Variants in ABLIM3 observed in about 807,000 individuals in gnomAD.
The protein encoded by ABLIM3 is actin-binding LIM protein 3.
ABLIM3 carries 61 observed loss-of-function variants against 109.5 expected under a neutral mutation model. That is an observed-to-expected ratio of 0.56 (90% CI 0.45 to 0.69). The LOEUF (loss-of-function observed/expected upper bound fraction) is 0.69. Ranked by LOEUF, ABLIM3 falls within the 30% of genes least tolerant of loss-of-function variation. The probability of loss-of-function intolerance (pLI) is 0.00; values close to 1 mark genes in which losing one functional copy is unlikely to be tolerated. For missense variants in ABLIM3, 796 were observed against 889.5 expected (o/e 0.89, Z 1.34); for synonymous variants, 300 against 324.8 (o/e 0.92, Z 0.82).
intron 2 of ABLIM3, among the ~76,000 whole-genome samples, chr5:149,171,569 A>G (rs1051175211): frequency 2.6e-5 from 4 of 152,222 alleles, no homozygotes; most frequent in African/African-American, 9.7e-5. Context: ...TCTGCTCTCC[A>G]GGTGACATAA....
intron 4 of ABLIM3, among the ~76,000 whole-genome samples, chr5:149,199,763 C>A (rs1294087472): frequency 6.6e-6 from 1 of 152,182 alleles, no homozygotes; most frequent in African/African-American, 2.4e-5. Context: ...GCCAGGGATT[C>A]TGTGTATGGT....
At chr5:149,185,950 T>A (rs1323112519) in intron 3 of ABLIM3, among the ~76,000 whole-genome samples, 2 of 152,166 alleles carry the variant, frequency 1.3e-5, no homozygotes, top group Non-Finnish European at 2.9e-5. Flanking sequence ...TCTAAATGGA[T>A]CATGGAGAAC....
intron 2 of ABLIM3, among the ~76,000 whole-genome samples, chr5:149,170,704 C>T (rs1375619483): frequency 2.0e-5 from 3 of 152,150 alleles, no homozygotes; most frequent in African/African-American, 7.2e-5. Context: ...AAATATTTCC[C>T]CCAGACTACA....
intron 10 of ABLIM3, 24 bp from the exon 11 acceptor site, chr5:149,237,424 C>T (rs774376290): frequency 2.5e-6 from 4 of 1,611,464 alleles, no homozygotes; most frequent in Non-Finnish European, 3.4e-6. Flanking sequence ...CTATTCCTTT[C>T]CTGTCCATTT....
chr5:149,190,434 C>A (rs905402737), intron 3 of ABLIM3, among the ~76,000 whole-genome samples: 2 of 152,198 alleles, frequency 1.3e-5, no homozygotes, highest in Admixed American at 1.3e-4. Context: ...AATCCCAGCA[C>A]TTTGGGAGGC....
intron 2 of ABLIM3, among the ~76,000 whole-genome samples, chr5:149,166,589 G>T (rs1281993994): frequency 6.6e-6 from 1 of 152,210 alleles, no homozygotes; most frequent in African/African-American, 2.4e-5. Context: ...CCTGATGGAA[G>T]TATGTTCTTT....
intron 21 of ABLIM3, among the ~76,000 whole-genome samples, chr5:149,251,954 A>G (rs1344691206): frequency 2.0e-5 from 3 of 152,110 alleles, no homozygotes. Flanking sequence ...AAATATCTCT[A>G]AGGCCATTTT....
intron 23 of ABLIM3, 114 bp downstream of exon 23, chr5:149,252,951 C>A: frequency 3.9e-6 from 3 of 769,250 alleles, no homozygotes; most frequent in South Asian, 3.2e-5. Flanking sequence ...GATCACACAG[C>A]TTATTGAAAA....
chr5:149,146,118 G>A (rs1580973254), intron 2 of ABLIM3, among the ~76,000 whole-genome samples: 1 of 152,252 alleles, frequency 6.6e-6, no homozygotes, highest in Non-Finnish European at 1.5e-5. Context: ...GTCTGTTCAT[G>A]TCTTTTGCCC....
intron 8 of ABLIM3, chr5:149,217,290 G>A: frequency 1.8e-6 from 1 of 546,322 alleles, no homozygotes; most frequent in South Asian, 2.1e-5. Context: ...TGCCCAGCTG[G>A]ACTGCTTCCC....
At chr5:149,199,441 G>C (rs1299573972) in intron 4 of ABLIM3, among the ~76,000 whole-genome samples, 6 of 152,106 alleles carry the variant, frequency 3.9e-5, no homozygotes. Context: ...CTTAAAACCT[G>C]AGCCCTGAGC....
At position 149,198,581 on chromosome 5, in the gene ABLIM3, G is replaced by GA. The variant is rs978847437; in HGVS notation, c.335+181dup. 2.6e-5 allele frequency among the ~76,000 whole-genome samples: 4 copies of GA among 152,228 alleles called. No individual in the cohort carries two copies. Among genetic ancestry groups the GA allele is most frequent in the African/African-American group, 9.6e-5 (4 of 41,452 alleles). ...GTGGTTTTCAAACACTGTAGCATCT[G>GA]AATCTTTCTTATAAAATACAATCTG... On this transcript the variant is annotated intron_variant, in intron 4 of 23. Coordinates refer to ENST00000309868, the MANE Select transcript of ABLIM3 (RefSeq NM_014945.5). This position sits in a 1 kb window ranked among gnomAD's most constrained non-coding sequence, Gnocchi z 4.2.
intron 3 of ABLIM3, among the ~76,000 whole-genome samples, chr5:149,187,821 C>T (rs556313714): frequency 1.3e-5 from 2 of 152,244 alleles, no homozygotes; most frequent in East Asian, 1.9e-4. Context: ...GCACTCACCC[C>T]GTCATTCTCT....
chr5:149,220,243 G>A lies in ABLIM3; in HGVS notation c.757+3197G>A, dbSNP rs537826369. The stretch of plus-strand genomic sequence containing the variant: ...CCTCATGGAGCTCACAGCCTCACAG[G>A]TTAGTGCTTTCATTCTTCCAACTTC... On this transcript the variant is annotated intron_variant, in intron 8 of 23. Coordinates refer to ENST00000309868, the MANE Select transcript of ABLIM3 (RefSeq NM_014945.5). The A allele has an allele frequency of 7.7e-4, 118 of 152,332 alleles. 2 individuals carry two copies. The highest frequency in any genetic ancestry group is 2.5e-3 in the African/African-American group (105 of 41,582). The allele number at this position is 152,332 out of a possible 1,614,324, so 9.4% of individuals were successfully genotyped here.
At chr5:149,252,544 A>G in intron 22 of ABLIM3, 1 of 562,178 alleles carries the variant, frequency 1.8e-6, no homozygotes, top group Non-Finnish European at 3.2e-6. Flanking sequence ...GCTTATTCCT[A>G]GTAGTATTAG....
chr5:149,200,280 A>T, intron 4 of ABLIM3, 36 bp from the exon 5 acceptor site: 1 of 1,575,738 alleles, frequency 6.3e-7, no homozygotes, highest in Non-Finnish European at 8.7e-7. Context: ...CCCTCAGAAG[A>T]GGGTGTGTTG....
intron 10 of ABLIM3, 64 bp from the exon 11 acceptor site, chr5:149,237,384 T>C (rs1752310469): frequency 6.5e-7 from 1 of 1,541,082 alleles, no homozygotes; most frequent in African/African-American, 1.4e-5. Flanking sequence ...TTTTGTTTCC[T>C]CTCTCCATTC....
At chr5:149,146,630 T>C (rs750978079) in intron 2 of ABLIM3, among the ~76,000 whole-genome samples, 1 of 152,230 alleles carries the variant, frequency 6.6e-6, no homozygotes, top group Non-Finnish European at 1.5e-5. Flanking sequence ...GCTGTAGGTA[T>C]GTGGCTTTAT....
chr5:149,223,769 C>T (rs1262332937), intron 8 of ABLIM3, among the ~76,000 whole-genome samples: 1 of 152,162 alleles, frequency 6.6e-6, no homozygotes, highest in African/African-American at 2.4e-5. Context: ...CACACTCAGG[C>T]CAGGGTGGGG....
Sources: allele counts gnomAD v4.1 joint callset (sites outside exome capture counted in the v4.1 genomes callset), GRCh38; gene constraint gnomAD v4.1.1; non-coding constraint Gnocchi (gnomAD v3.1); transcripts MANE v1.5; gene names NCBI Gene and HGNC (gene_info 2026-07-23, HGNC 2026-07-21).